The following DENND1A variants were observed in gnomAD, a reference collection of about 807,000 sequenced individuals.
DENND1A encodes the protein DENN domain containing 1A, also known as DENN domain-containing protein 1A.
A neutral mutation model predicts 113.7 loss-of-function variants in DENND1A; 51 were observed. The ratio of observed to expected loss-of-function variants is 0.45; its 90% CI spans 0.36 to 0.57. The LOEUF is 0.57. DENND1A is among the 20% of genes least tolerant of loss of function. DENND1A has a pLI of 0.00. For synonymous variants in DENND1A, 565 were observed against 570.8 expected (o/e 0.99, Z 0.14); for missense variants, 1,258 against 1,395.9 (o/e 0.90, Z 1.57).
At chr9:123,596,293 C>T (rs2059688811) in intron 11 of DENND1A, among the ~76,000 whole-genome samples, 1 of 152,226 alleles carries the variant, frequency 6.6e-6, no homozygotes, top group African/African-American at 2.4e-5. Context: ...TGTGCGCTAT[C>T]ACTTTCCCCT....
At chr9:123,567,948 T>C (rs1260053543) in intron 12 of DENND1A, among the ~76,000 whole-genome samples, 2 of 152,224 alleles carry the variant, frequency 1.3e-5, no homozygotes, top group African/African-American at 2.4e-5. Context: ...ACTTGGGTTG[T>C]ATTTGCACTG....
chr9:123,433,647 G>A (rs2046303761), intron 19 of DENND1A, among the ~76,000 whole-genome samples: 2 of 152,066 alleles, frequency 1.3e-5, no homozygotes, highest in African/African-American at 4.8e-5. Flanking sequence ...TGTCTTTAAA[G>A]CTTTTTTCTT....
At chr9:123,866,847 G>GA (rs1845860479) in intron 2 of DENND1A, among the ~76,000 whole-genome samples, 1 of 152,172 alleles carries the variant, frequency 6.6e-6, no homozygotes, top group African/African-American at 2.4e-5. Context: ...AGTGGCAAAA[G>GA]AAATCTGAAC....
rs191937815 is a variant in DENND1A, at chr9:123,390,012, C to T, written c.1632-2154G>A. Among the ~76,000 whole-genome samples the T allele has an allele frequency of 3.0e-3, 459 of 152,352 alleles. 2 individuals are homozygous for T. The highest frequency in any genetic ancestry group is 4.4e-3 in the Non-Finnish European group (296 of 68,028). On this transcript the variant is annotated intron_variant, in intron 21 of 23. Coordinates refer to ENST00000394215, the MANE Select transcript of DENND1A (RefSeq NM_001352964.2). The stretch of plus-strand genomic sequence containing the variant: ...ACACTGGGCCCTGGATATTCCCCCT[C>T]CCTGTCACCTTTGCTTGGAGCACTG...
chr9:123,923,274 C>T (rs1438263685), intron 1 of DENND1A, among the ~76,000 whole-genome samples: 1 of 152,218 alleles, frequency 6.6e-6, no homozygotes, highest in Non-Finnish European at 1.5e-5. Context: ...TGGAGTAGCA[C>T]CAACATGTTT....
At chr9:123,683,243 G>A (rs2064587256) in intron 5 of DENND1A, among the ~76,000 whole-genome samples, 1 of 152,180 alleles carries the variant, frequency 6.6e-6, no homozygotes, top group Admixed American at 6.5e-5. Context: ...GGCTGTATTA[G>A]ACCACTTAAC....
At chr9:123,439,683 G>A (rs940343863) in intron 19 of DENND1A, 4 of 152,088 alleles carry the variant, frequency 2.6e-5, no homozygotes, top group Admixed American at 6.5e-5. Context: ...GATGACTTTC[G>A]CTAACCAAAA....
At chr9:123,636,262 C>G (rs2061693492) in intron 9 of DENND1A, among the ~76,000 whole-genome samples, 1 of 152,050 alleles carries the variant, frequency 6.6e-6, no homozygotes, top group African/African-American at 2.4e-5. Context: ...CCCAGGTGAC[C>G]AGGAACACGA....
intron 1 of DENND1A, among the ~76,000 whole-genome samples, chr9:123,905,022 T>C (rs1395706000): frequency 3.9e-5 from 6 of 152,122 alleles, no homozygotes; most frequent in Non-Finnish European, 5.9e-5. Flanking sequence ...GCAGAAACCC[T>C]ACAAGCCAGA....
At position 123,499,261 on chromosome 9, in the gene DENND1A, T is replaced by C. The variant is rs867794123; in HGVS notation, c.994-41364A>G. Among the ~76,000 whole-genome samples, 6 of 152,202 alleles carry C rather than the reference T, an allele frequency of 3.9e-5. No individual in the cohort carries two copies. In the South Asian group the frequency reaches 6.2e-4, roughly 16 times the overall value. ...GTTGGCCAGACTGGTCTTGAACTCCTGACCTCAGGCGATCCACCCGCCTCG... is the reference window on the plus strand; with the variant it reads ...GTTGGCCAGACTGGTCTTGAACTCCCGACCTCAGGCGATCCACCCGCCTCG... On this transcript the variant is annotated intron_variant, in intron 13 of 23. Transcript: ENST00000394215.
intron 5 of DENND1A, among the ~76,000 whole-genome samples, chr9:123,720,727 T>G (rs974648577): frequency 1.3e-5 from 2 of 152,232 alleles, no homozygotes; most frequent in African/African-American, 2.4e-5. Context: ...GATTCTTATC[T>G]ATGGCAATTT....
At position 123,420,251 on chromosome 9, in the gene DENND1A, C is replaced by G. The variant is rs575315512; in HGVS notation, c.1489-8422G>C. Among the ~76,000 whole-genome samples, 7 of 152,202 alleles carry G rather than the reference C, an allele frequency of 4.6e-5. No individual in the cohort carries two copies. In the East Asian group the frequency reaches 1.3e-3, roughly 29 times the overall value. ...GGTCCTGGCGACTCTGAGACAGAGG[C>G]TCTATTATGATTGCCGCTCTGTAGA... On this transcript the variant is annotated intron_variant, in intron 19 of 23. Coordinates refer to ENST00000394215, the MANE Select transcript of DENND1A (RefSeq NM_001352964.2).
intron 9 of DENND1A, among the ~76,000 whole-genome samples, chr9:123,630,958 A>T (rs1016864518): frequency 2.0e-5 from 3 of 152,306 alleles, no homozygotes; most frequent in Non-Finnish European, 2.9e-5. Context: ...TCTTAGAAAA[A>T]ATATCTTTTA....
intron 19 of DENND1A, among the ~76,000 whole-genome samples, chr9:123,434,181 C>G (rs1054769771): frequency 6.6e-6 from 1 of 152,210 alleles, no homozygotes; most frequent in Non-Finnish European, 1.5e-5. Context: ...CGCATGCCAT[C>G]ATGCCTGGCT....
In DENND1A at chr9:123,475,701, G is replaced by C. The variant is rs532093686; in HGVS notation, c.994-17804C>G. ...GCCATCGCAGGTGTGGGGAAGGCCT[G>C]GCTAAAAATATTGCTAACGTGGGCT... On this transcript the variant is annotated intron_variant, in intron 13 of 23. Coordinates refer to ENST00000394215, the MANE Select transcript of DENND1A (RefSeq NM_001352964.2). Among the ~76,000 whole-genome samples the C allele has an allele frequency of 2.6e-5, 4 of 152,340 alleles. 1 individual carries two copies. The South Asian group carries it at 8.3e-4, about 32-fold the overall frequency.
chr9:123,836,869 T>C (rs774896335), intron 2 of DENND1A, among the ~76,000 whole-genome samples: 1 of 152,144 alleles, frequency 6.6e-6, no homozygotes, highest in Non-Finnish European at 1.5e-5. Context: ...AAAATAGTAA[T>C]ATAAAACGTT....
At chr9:123,670,893 T>C (rs527891209) in intron 7 of DENND1A, among the ~76,000 whole-genome samples, 59 of 152,218 alleles carry the variant, frequency 3.9e-4, no homozygotes, top group African/African-American at 1.2e-3. Context: ...GAGGCAATGT[T>C]GAAAGCTGAG....
At chr9:123,587,377 C>T (rs1039034173) in intron 11 of DENND1A, among the ~76,000 whole-genome samples, 2 of 152,114 alleles carry the variant, frequency 1.3e-5, no homozygotes, top group African/African-American at 4.8e-5. Context: ...GATTAGCAAG[C>T]TATTAATCAG....
At chr9:123,663,724 A>C (rs1185708146) in intron 8 of DENND1A, among the ~76,000 whole-genome samples, 2 of 152,224 alleles carry the variant, frequency 1.3e-5, no homozygotes, top group East Asian at 3.9e-4. Flanking sequence ...CTTTTACAAC[A>C]AAATATTTGT....
Sources: allele counts gnomAD v4.1 joint callset (sites outside exome capture counted in the v4.1 genomes callset), GRCh38; gene constraint gnomAD v4.1.1; transcripts MANE v1.5; gene names NCBI Gene and HGNC (gene_info 2026-07-23, HGNC 2026-07-21).